CYRIB: variants seen among roughly 807,000 people sequenced by gnomAD.
The protein encoded by CYRIB is CYFIP related Rac1 interactor B, also known as CYFIP-related Rac1 interactor B.
Under a neutral mutation model 44.2 loss-of-function variants are expected in CYRIB, and 8 were observed. That is an observed-to-expected ratio of 0.18 (90% CI 0.11 to 0.33). The LOEUF is 0.33. CYRIB is among the 10% of genes least tolerant of loss of function. The pLI is 1.00. For synonymous variants in CYRIB, 131 were observed against 127.2 expected (o/e 1.03, Z -0.20); for missense variants, 185 against 382.8 (o/e 0.48, Z 4.31).
At chr8:129,989,640 CTTTTT>C (rs545615460) in intron 1 of CYRIB, among the ~76,000 whole-genome samples, 1 of 136,796 alleles carries the variant, frequency 7.3e-6, no homozygotes, top group Non-Finnish European at 1.6e-5. Context: ...GATGCCCTTT[CTTTTT>C]TTTTTTTTTT....
chr8:129,965,833 C>A (rs1022973283), intron 2 of CYRIB, among the ~76,000 whole-genome samples: 2 of 151,590 alleles, frequency 1.3e-5, no homozygotes, highest in African/African-American at 4.8e-5. Flanking sequence ...CAATTCGCTA[C>A]TTTTTGTTTT....
intron 11 of CYRIB, among the ~76,000 whole-genome samples, chr8:129,845,275 G>T (rs1266215008): frequency 1.3e-5 from 2 of 152,128 alleles, no homozygotes; most frequent in Non-Finnish European, 2.9e-5. Context: ...TTTTAAAAAA[G>T]ATTTCCTGCC....
At chr8:129,994,549 G>C (rs1464473128) in intron 1 of CYRIB, among the ~76,000 whole-genome samples, 1 of 152,176 alleles carries the variant, frequency 6.6e-6, no homozygotes, top group Non-Finnish European at 1.5e-5. Context: ...CACGGCATCA[G>C]GCTGGGGGGC....
chr8:130,005,516 C>T (rs1007232458), intron 1 of CYRIB, among the ~76,000 whole-genome samples: 3 of 152,190 alleles, frequency 2.0e-5, no homozygotes, highest in African/African-American at 7.2e-5. Flanking sequence ...CCTCTCTGGG[C>T]TTCCATTGCC....
chr8:129,912,116 C>T (rs1217386277), intron 1 of CYRIB, among the ~76,000 whole-genome samples: 3 of 152,102 alleles, frequency 2.0e-5, no homozygotes, highest in African/African-American at 4.8e-5. Flanking sequence ...TTCAAACCCC[C>T]TTATAACATT....
intron 1 of CYRIB, among the ~76,000 whole-genome samples, chr8:130,012,996 G>T (rs990346035): frequency 2.0e-5 from 3 of 152,154 alleles, no homozygotes; most frequent in African/African-American, 7.2e-5. Flanking sequence ...CTTTAGGGAA[G>T]AGAAAAAAAA....
intron 1 of CYRIB, among the ~76,000 whole-genome samples, chr8:129,972,503 G>C (rs1247809802): frequency 2.0e-5 from 3 of 152,142 alleles, no homozygotes; most frequent in Admixed American, 2.0e-4. Flanking sequence ...CTTGAGCCCA[G>C]GAGGTCGAGG....
At chr8:130,000,816 A>C (rs2096890934) in intron 1 of CYRIB, among the ~76,000 whole-genome samples, 2 of 152,114 alleles carry the variant, frequency 1.3e-5, no homozygotes, top group South Asian at 4.1e-4. Context: ...CAGGAGTTAG[A>C]GGCCATAGTG....
At chr8:129,991,188 C>T (rs1458623944) in intron 1 of CYRIB, among the ~76,000 whole-genome samples, 1 of 151,182 alleles carries the variant, frequency 6.6e-6, no homozygotes, top group Non-Finnish European at 1.5e-5. Context: ...AATGAAAACT[C>T]CAGGAGGGCA....
chr8:129,893,579 T>C (rs2066430345), intron 2 of CYRIB, among the ~76,000 whole-genome samples: 1 of 152,230 alleles, frequency 6.6e-6, no homozygotes, highest in African/African-American at 2.4e-5. Context: ...AGATTAAAAC[T>C]ATAACAATTT....
chr8:129,918,588 G>A (rs781690662), intron 1 of CYRIB, among the ~76,000 whole-genome samples: 3 of 152,178 alleles, frequency 2.0e-5, no homozygotes, highest in African/African-American at 4.8e-5. Flanking sequence ...TATTCCATGT[G>A]TGAGTTAAAA....
At chr8:130,002,514 C>A (rs997966441) in intron 1 of CYRIB, among the ~76,000 whole-genome samples, 1 of 151,640 alleles carries the variant, frequency 6.6e-6, no homozygotes, top group African/African-American at 2.4e-5. Flanking sequence ...GGTTTTCTTA[C>A]AATAAAAGTA....
chr8:129,887,643 A>G (rs1025846487), intron 2 of CYRIB, among the ~76,000 whole-genome samples: 1 of 152,212 alleles, frequency 6.6e-6, no homozygotes, highest in Admixed American at 6.5e-5. Flanking sequence ...AGCCCTGCAG[A>G]GCAAGAGGGG....
rs574020622 is a variant in CYRIB at position 129,992,661 on chromosome 8, G to A, written c.-295-21666C>T. On this transcript the variant is annotated intron_variant, in intron 1 of 14. Transcript: ENST00000401979. ...ACTCAGACCAATACTTTTGGAAGAG[G>A]GCAGAGCTGCAGAGCCCTGATCACC... 3.0e-3 allele frequency among the ~76,000 whole-genome samples: 463 copies of A among 152,276 alleles called. 3 individuals are homozygous for A. The highest frequency in any genetic ancestry group is 0.011 in the African/African-American group (445 of 41,554).
At chr8:129,936,987 G>A (rs1166792347) in intron 1 of CYRIB, among the ~76,000 whole-genome samples, 1 of 152,182 alleles carries the variant, frequency 6.6e-6, no homozygotes, top group African/African-American at 2.4e-5. Context: ...GATTACAGGC[G>A]TGAGCCACTG....
At chr8:129,879,883 C>A (rs1002448671) in intron 2 of CYRIB, 1 of 156,796 alleles carries the variant, frequency 6.4e-6, no homozygotes, top group African/African-American at 2.4e-5. Context: ...AATATTAATA[C>A]ATTTGGCCAT....
chr8:129,999,583 CGA>C (rs2096861007), intron 1 of CYRIB, among the ~76,000 whole-genome samples: 1 of 152,230 alleles, frequency 6.6e-6, no homozygotes, highest in Non-Finnish European at 1.5e-5. Context: ...GCACCCCCAA[CGA>C]TTGGCTAAGT....
At chr8:129,855,829 T>A (rs1587394065) in intron 5 of CYRIB, 82 bp from the exon 8 acceptor site, 1 of 1,292,806 alleles carries the variant, frequency 7.7e-7, no homozygotes, top group East Asian at 2.5e-5. Context: ...AATTCATAAA[T>A]GTTAATTCCC....
intron 2 of CYRIB, among the ~76,000 whole-genome samples, chr8:129,886,333 G>A (rs2062746764): frequency 6.6e-6 from 1 of 152,164 alleles, no homozygotes; most frequent in East Asian, 1.9e-4. Context: ...ACGCCTTCCT[G>A]AAAACACTTT....
Sources: gnomAD v4.1 joint callset for allele counts (sites outside exome capture counted in the v4.1 genomes callset) on GRCh38, gnomAD v4.1.1 for gene constraint, MANE v1.5 for transcripts, NCBI Gene and HGNC (gene_info 2026-07-23, HGNC 2026-07-21) for gene names.